Variants in ATP11C observed in about 807,000 individuals in gnomAD.
ATP11C encodes the protein ATPase phospholipid transporting 11C (ATP11C blood group).
Under a neutral mutation model 97.4 loss-of-function variants are expected in ATP11C, and 36 were observed. The observed-to-expected ratio is 0.37, with a 90% confidence interval of 0.28 to 0.49. The LOEUF is 0.49. Among genes scored for constraint, ATP11C ranks in the 20% least tolerant of loss-of-function variants. The pLI is 0.98. For missense variants in ATP11C, 730 were observed against 824.6 expected, an observed-to-expected ratio of 0.89 and a Z score of 1.40; for synonymous variants, 275 against 290.9, an observed-to-expected ratio of 0.95 and a Z score of 0.56.
chrX:139,925,689 T>C (rs957789200), intron 1 of ATP11C, among the ~76,000 whole-genome samples: 1 of 111,863 alleles, frequency 8.9e-6, no homozygotes, highest in Non-Finnish European at 1.9e-5. Flanking sequence ...TAGGAAAACA[T>C]TGCCACATTA....
At position 139,817,597 on chromosome X, in the gene ATP11C, C is replaced by G. The variant is rs187714686; in HGVS notation, c.238-654G>C. Among the ~76,000 whole-genome samples, 3 of 112,129 alleles carry G rather than the reference C, an allele frequency of 2.7e-5. No homozygotes were observed. The East Asian group carries it at 8.5e-4, about 32-fold the overall frequency. ...TTTAAGCAAGGAAAGGTCACATGAA[C>G]AGAACTGCATTTTGAAAAGATCATT... On this transcript the variant is annotated intron_variant, in intron 3 of 29. Transcript: ENST00000682941.
At chrX:139,786,350 T>A (rs1000652539) in intron 15 of ATP11C, among the ~76,000 whole-genome samples, 1 of 111,655 alleles carries the variant, frequency 9.0e-6, no homozygotes, top group Non-Finnish European at 1.9e-5. Flanking sequence ...GTATAAGACA[T>A]CTAACATGGC....
intron 1 of ATP11C, among the ~76,000 whole-genome samples, chrX:139,859,646 A>C (rs1013701437): frequency 1.8e-5 from 2 of 112,259 alleles, no homozygotes; most frequent in Non-Finnish European, 3.8e-5. Flanking sequence ...AACAGTAAAA[A>C]AGAGAAAACC....
Position 139,829,700 on chromosome X carries a change from TCACACTACATAA to T in ATP11C, c.28-2889_28-2878del, listed in dbSNP as rs764761572. ...GTACTGACTCTATTTTAATGACACA[TCACACTACATAA>T]TAAAGTATGGCAAATATTAAAAAAT... On this transcript the variant is annotated intron_variant, in intron 1 of 29. Coordinates refer to ENST00000682941, the MANE Select transcript of ATP11C (RefSeq NM_001353812.2). Among the ~76,000 whole-genome samples, 5 of 111,368 alleles carry T rather than the reference TCACACTACATAA, an allele frequency of 4.5e-5. No homozygotes were observed. The Admixed American group carries it at 4.8e-4, about 11-fold the overall frequency.
At chrX:139,859,691 C>T (rs1261823186) in intron 1 of ATP11C, among the ~76,000 whole-genome samples, 3 of 112,206 alleles carry the variant, frequency 2.7e-5, no homozygotes, top group Non-Finnish European at 5.6e-5. Context: ...TCTCTCCTTA[C>T]AAACACAATT....
rs28453212 is a variant in ATP11C at position 139,782,354 on chromosome X, A to T, written c.1952+193T>A. ...AAAAAAAAAAATTAATTAAAAAATT[A>T]AAAAAAAATCATTCCTACTAACAGC... On this transcript the variant is annotated intron_variant, in intron 18 of 29. Coordinates refer to ENST00000682941, the MANE Select transcript of ATP11C (RefSeq NM_001353812.2). Among the ~76,000 whole-genome samples the T allele has an allele frequency of 4.0e-3, 444 of 109,688 alleles. 2 individuals are homozygous for T. The highest frequency in any genetic ancestry group is 0.013 in the African/African-American group (406 of 30,206).
At chrX:139,836,125 A>G (rs187969854) in intron 1 of ATP11C, among the ~76,000 whole-genome samples, 1 of 109,442 alleles carries the variant, frequency 9.1e-6, no homozygotes, top group East Asian at 2.9e-4. Context: ...ACAAAAAAAA[A>G]GCATTCAAGG....
chrX:139,904,450 C>T (rs975917382), intron 1 of ATP11C, among the ~76,000 whole-genome samples: 4 of 110,783 alleles, frequency 3.6e-5, no homozygotes, highest in Non-Finnish European at 7.5e-5. Flanking sequence ...ATAGCTTGAA[C>T]CCAGCAAGCA....
chrX:139,795,489 A>G (rs1432496548), intron 12 of ATP11C, among the ~76,000 whole-genome samples: 1 of 111,959 alleles, frequency 8.9e-6, no homozygotes, highest in Non-Finnish European at 1.9e-5. Flanking sequence ...CCCAGTCACA[A>G]AAATGACATT....
At chrX:139,766,894 T>C (rs1472000515) in intron 20 of ATP11C, among the ~76,000 whole-genome samples, 1 of 110,681 alleles carries the variant, frequency 9.0e-6, no homozygotes, top group East Asian at 2.9e-4. Flanking sequence ...TGAGTAAAAT[T>C]TGTGTTAGGC....
chrX:139,734,731 C>A (rs890113277), intron 28 of ATP11C, among the ~76,000 whole-genome samples: 3 of 111,227 alleles, frequency 2.7e-5, no homozygotes, highest in Non-Finnish European at 5.7e-5. Flanking sequence ...GCAGCTTTGT[C>A]ACTTCATAAA....
intron 19 of ATP11C, among the ~76,000 whole-genome samples, chrX:139,770,582 A>G (rs887731928): frequency 9.1e-6 from 1 of 109,550 alleles, no homozygotes; most frequent in African/African-American, 3.3e-5. Context: ...GATGTACTAG[A>G]CCTCTGATGT....
intron 1 of ATP11C, among the ~76,000 whole-genome samples, chrX:139,858,077 A>C (rs1186874785): frequency 8.9e-6 from 1 of 112,859 alleles, no homozygotes; most frequent in Non-Finnish European, 1.9e-5. Context: ...TTGCTCTCTC[A>C]AACTTTCTTG....
At chrX:139,741,803 A>G (rs2081561636) in intron 26 of ATP11C, among the ~76,000 whole-genome samples, 1 of 111,777 alleles carries the variant, frequency 8.9e-6, no homozygotes, top group South Asian at 3.7e-4. Context: ...TAAAAACAAA[A>G]GTATGGACTA....
chrX:139,782,592 A>G lies in ATP11C; in HGVS notation c.1907T>C (p.Ile636Thr), dbSNP rs199734080. The G allele has an allele frequency of 5.3e-5, 64 of 1,205,654 alleles. No individual in the cohort carries two copies. Among genetic ancestry groups the G allele is most frequent in the Non-Finnish European group, 6.9e-5 (62 of 892,937 alleles). ...EEKMEKVFDD[I>T]ETNMNLIGAT... ...TCCAATTAAATTCATGTTTGTCTCA[A>G]TATCATCGAAAACTTTTTCCATTTT... The change falls in exon 18 of 30, where the codon ATT becomes ACT. Residue 636 changes from isoleucine (I) to threonine (T), a missense_variant. By Grantham distance (89) the Ile-to-Thr change is moderately conservative. Coordinates refer to ENST00000682941, the MANE Select transcript of ATP11C (RefSeq NM_001353812.2).
chrX:139,932,097 C>G lies in ATP11C; in HGVS notation c.-55G>C. 9.1e-7 allele frequency: 1 copy of G among 1,101,366 alleles called. No individual in the cohort carries two copies. The highest frequency in any genetic ancestry group is 1.2e-6 in the Non-Finnish European group (1 of 832,904). 90.8% of individuals were successfully genotyped at this position (1,101,366 alleles called of 1,213,427 possible). On this transcript the variant is annotated 5_prime_UTR_variant, in exon 1 of 30. Coordinates refer to ENST00000682941, the MANE Select transcript of ATP11C (RefSeq NM_001353812.2). ...GGCTCTACCGGGCTGTCTGGGAAGG[C>G]GCCGTCCACAAAACACACTGCGGCG...
intron 20 of ATP11C, among the ~76,000 whole-genome samples, chrX:139,766,629 C>T (rs1258749110): frequency 9.0e-6 from 1 of 110,912 alleles, no homozygotes; most frequent in East Asian, 2.8e-4. Context: ...TGTGTGCGCG[C>T]GCACAGTATA....
intron 1 of ATP11C, among the ~76,000 whole-genome samples, chrX:139,892,048 G>A (rs1182359198): frequency 1.8e-5 from 2 of 111,078 alleles, no homozygotes; most frequent in Non-Finnish European, 3.8e-5. Flanking sequence ...GTAGAGATGG[G>A]ATTTCACCTT....
intron 1 of ATP11C, among the ~76,000 whole-genome samples, chrX:139,895,541 A>C: frequency 8.9e-6 from 1 of 112,062 alleles, no homozygotes; most frequent in Non-Finnish European, 1.9e-5. Context: ...AAGTGCTGGG[A>C]TTACAGGTGT....
Sources: gnomAD v4.1 joint callset for allele counts (sites outside exome capture counted in the v4.1 genomes callset) on GRCh38, gnomAD v4.1.1 for gene constraint, MANE v1.5 for transcripts, NCBI Gene and HGNC (gene_info 2026-07-23, HGNC 2026-07-21) for gene names.